TRIM44: variants seen among roughly 807,000 people sequenced by gnomAD.
TRIM44 encodes tripartite motif-containing protein 44.
A neutral mutation model predicts 37.4 loss-of-function variants in TRIM44; 13 were observed. The ratio of observed to expected loss-of-function variants is 0.35; its 90% CI spans 0.23 to 0.55. TRIM44 has a LOEUF of 0.55. Among genes scored for constraint, TRIM44 ranks in the 20% least tolerant of loss-of-function variants. The pLI is 0.89. For missense variants in TRIM44, 426 were observed against 437.2 expected (o/e 0.97, Z 0.23); for synonymous variants, 175 against 157.2 (o/e 1.11, Z -0.85).
intron 3 of TRIM44, among the ~76,000 whole-genome samples, chr11:35,733,916 T>C (rs1000795866): frequency 3.9e-5 from 6 of 152,182 alleles, no homozygotes; most frequent in Admixed American, 2.6e-4. Flanking sequence ...TCTTCCCACT[T>C]TTCTCTGTTG....
At chr11:35,735,395 C>A (rs766901827) in intron 3 of TRIM44, 31 bp from the exon 4 acceptor site, 22 of 1,611,986 alleles carry the variant, frequency 1.4e-5, no homozygotes, top group Admixed American at 1.0e-4. Flanking sequence ...ACAGTGATTT[C>A]TAATACTGTT....
At chr11:35,677,205 A>G (rs540792616) in intron 1 of TRIM44, among the ~76,000 whole-genome samples, 1 of 152,348 alleles carries the variant, frequency 6.6e-6, no homozygotes, top group East Asian at 1.9e-4. Flanking sequence ...CTGACAAAGT[A>G]CATATTCTTT....
chr11:35,705,270 G>C (rs1048083667), intron 2 of TRIM44, among the ~76,000 whole-genome samples: 3 of 152,024 alleles, frequency 2.0e-5, no homozygotes, highest in Admixed American at 2.0e-4. Flanking sequence ...AGCAAGTCCT[G>C]AGTGATCTAC....
At chr11:35,746,080 A>G (rs765519065) in intron 4 of TRIM44, among the ~76,000 whole-genome samples, 17 of 152,230 alleles carry the variant, frequency 1.1e-4, no homozygotes, top group Non-Finnish European at 1.6e-4. Context: ...AAAGGTAATC[A>G]AACAATTAAG....
chr11:35,729,251 G>A (rs913624867), intron 3 of TRIM44, among the ~76,000 whole-genome samples: 2 of 152,208 alleles, frequency 1.3e-5, no homozygotes, highest in East Asian at 3.9e-4. Flanking sequence ...AACCCCAATT[G>A]GCACGCAGCA....
At chr11:35,776,509 T>C (rs966765696) in intron 4 of TRIM44, among the ~76,000 whole-genome samples, 1 of 152,238 alleles carries the variant, frequency 6.6e-6, no homozygotes, top group Non-Finnish European at 1.5e-5. Flanking sequence ...AGCTTTTGAA[T>C]GTGCTTGCTC....
At chr11:35,786,602 A>G (rs1287192969) in intron 4 of TRIM44, among the ~76,000 whole-genome samples, 1 of 152,156 alleles carries the variant, frequency 6.6e-6, no homozygotes, top group Non-Finnish European at 1.5e-5. Flanking sequence ...TGAGATCCAA[A>G]TGTGGTCAAG....
At chr11:35,784,594 G>T (rs897853702) in intron 4 of TRIM44, among the ~76,000 whole-genome samples, 1 of 152,140 alleles carries the variant, frequency 6.6e-6, no homozygotes, top group South Asian at 2.1e-4. Context: ...TTTAGAATGG[G>T]TGTGTATTTA....
intron 4 of TRIM44, among the ~76,000 whole-genome samples, chr11:35,785,631 G>C (rs774512142): frequency 6.6e-6 from 1 of 152,198 alleles, no homozygotes; most frequent in Non-Finnish European, 1.5e-5. Flanking sequence ...TTCTCCTTCA[G>C]TTTGCTACTT....
intron 3 of TRIM44, among the ~76,000 whole-genome samples, chr11:35,734,338 C>T (rs1852303628): frequency 6.6e-6 from 1 of 152,084 alleles, no homozygotes; most frequent in African/African-American, 2.4e-5. Flanking sequence ...TCCTATGATA[C>T]AGAGACAATT....
intron 1 of TRIM44, among the ~76,000 whole-genome samples, chr11:35,678,893 C>T (rs1369743262): frequency 6.6e-6 from 1 of 152,110 alleles, no homozygotes; most frequent in Non-Finnish European, 1.5e-5. Flanking sequence ...AGTCACTGCG[C>T]CTGACCAAGG....
chr11:35,690,602 T>C (rs761616796), intron 2 of TRIM44, among the ~76,000 whole-genome samples: 2 of 152,224 alleles, frequency 1.3e-5, no homozygotes, highest in African/African-American at 2.4e-5. Flanking sequence ...TTGTTACATA[T>C]AGAAGTGTTC....
intron 4 of TRIM44, among the ~76,000 whole-genome samples, chr11:35,764,862 T>G (rs1165259880): frequency 6.6e-6 from 1 of 152,174 alleles, no homozygotes; most frequent in Non-Finnish European, 1.5e-5. Flanking sequence ...TACTTTGACT[T>G]CTCAGTATTA....
Position 35,813,493 on chromosome 11 carries a change from A to G in TRIM44, c.*7108A>G, listed in dbSNP as rs1168908211. On this transcript the variant is annotated 3_prime_UTR_variant, in exon 5 of 5. Transcript: ENST00000299413. ...CCTTCACACATATTTCTAACTGTAA[A>G]GGAAAGAAACAGACTTTTAGAGGAA... The G allele has an allele frequency of 6.6e-6, 1 of 152,216 alleles. No homozygotes were observed. Among genetic ancestry groups the G allele is most frequent in the Non-Finnish European group, 1.5e-5 (1 of 68,042 alleles). 9.4% of individuals were successfully genotyped at this position (152,216 alleles called of 1,614,324 possible). A position where few individuals can be genotyped will look rare whatever the true frequency, so the allele number is the denominator to read the frequency against.
At chr11:35,773,502 A>G (rs1590589415) in intron 4 of TRIM44, among the ~76,000 whole-genome samples, 1 of 152,206 alleles carries the variant, frequency 6.6e-6, no homozygotes, top group Non-Finnish European at 1.5e-5. Context: ...TTTAAGTTCT[A>G]GGGTACATGT....
At chr11:35,675,768 C>T (rs1300876107) in intron 1 of TRIM44, among the ~76,000 whole-genome samples, 3 of 152,156 alleles carry the variant, frequency 2.0e-5, no homozygotes, top group African/African-American at 7.2e-5. Flanking sequence ...GATCTACCCA[C>T]CTCGGCCTCC....
At chr11:35,690,234 C>G (rs563950341) in intron 2 of TRIM44, among the ~76,000 whole-genome samples, 2 of 152,156 alleles carry the variant, frequency 1.3e-5, no homozygotes, top group East Asian at 3.9e-4. Context: ...TAAATAAACC[C>G]AAGAATGGTT....
rs980403325 is a variant in TRIM44, at chr11:35,662,946, G to A, written c.-166G>A. ...GAAAGGGTCTTTGCTGCTGCGCCCG[G>A]GCAGGGGCTGCCGCGGCCCCAGGTC... On this transcript the variant is annotated 5_prime_UTR_variant, in exon 1 of 5. Coordinates refer to ENST00000299413, the MANE Select transcript of TRIM44 (RefSeq NM_017583.6). 8.2e-7 allele frequency: 1 copy of A among 1,218,108 alleles called. No individual in the cohort carries two copies. Among genetic ancestry groups the A allele is most frequent in the Non-Finnish European group, 1.1e-6 (1 of 934,028 alleles). The allele number at this position is 1,218,108 out of a possible 1,614,324, so 75.5% of individuals were successfully genotyped here.
At chr11:35,757,349 T>A (rs540530897) in intron 4 of TRIM44, among the ~76,000 whole-genome samples, 4 of 152,344 alleles carry the variant, frequency 2.6e-5, no homozygotes, top group African/African-American at 7.2e-5. Context: ...TGTGGTGATA[T>A]CCCCTTTATC....
Sources: gnomAD v4.1 joint callset for allele counts (sites outside exome capture counted in the v4.1 genomes callset) on GRCh38, gnomAD v4.1.1 for gene constraint, MANE v1.5 for transcripts, NCBI Gene and HGNC (gene_info 2026-07-23, HGNC 2026-07-21) for gene names.